Variants in PLEKHO1 observed in about 807,000 individuals in gnomAD.
PLEKHO1 encodes the protein pleckstrin homology domain-containing family O member 1.
A neutral mutation model predicts 41.4 loss-of-function variants in PLEKHO1; 22 were observed. That is an observed-to-expected ratio of 0.53 (90% confidence interval 0.38 to 0.76). PLEKHO1 has a LOEUF of 0.76. Among genes scored for constraint, PLEKHO1 ranks in the 30% least tolerant of loss-of-function variants. The pLI is 0.00. For missense variants in PLEKHO1, 488 were observed against 518.3 expected (o/e 0.94, Z 0.57); for synonymous variants, 225 against 210.8 (o/e 1.07, Z -0.58).
chr1:150,150,574 G>C (rs1208678765), intron 1 of PLEKHO1: 11 of 215,686 alleles, frequency 5.1e-5, no homozygotes, highest in Non-Finnish European at 8.4e-5. Context: ...GGAGACAATG[G>C]GAGAGAAAAC....
chr1:150,155,771 G>A (rs1012212361), intron 2 of PLEKHO1: 18 of 291,794 alleles, frequency 6.2e-5, no homozygotes, highest in Non-Finnish European at 9.5e-5. Context: ...AAGGAAAAGA[G>A]TGGGGCGGTT....
intron 2 of PLEKHO1, among the ~76,000 whole-genome samples, chr1:150,152,239 A>C (rs1469408790): frequency 2.6e-5 from 4 of 152,212 alleles, no homozygotes; most frequent in Non-Finnish European, 5.9e-5. Flanking sequence ...ACAGCCAAAG[A>C]GATCCCTCTT....
At chr1:150,151,578 C>A (rs1227283329) in intron 2 of PLEKHO1, among the ~76,000 whole-genome samples, 2 of 152,152 alleles carry the variant, frequency 1.3e-5, no homozygotes, top group Admixed American at 6.5e-5. Context: ...GTGTGAGTGG[C>A]AGTTATTTTC....
chr1:150,156,714 A>T (rs1343136277), intron 3 of PLEKHO1, among the ~76,000 whole-genome samples, 197 bp from the exon 4 acceptor site: 3 of 152,176 alleles, frequency 2.0e-5, no homozygotes, highest in Non-Finnish European at 2.9e-5. Context: ...GGTCATTTCT[A>T]AAACAACCTC....
chr1:150,155,772 T>G, intron 2 of PLEKHO1: 1 of 289,644 alleles, frequency 3.5e-6, no homozygotes, highest in Non-Finnish European at 6.4e-6. Flanking sequence ...AGGAAAAGAG[T>G]GGGGCGGTTG....
intron 2 of PLEKHO1, chr1:150,152,694 A>AAAAAAC: frequency 7.3e-6 from 1 of 137,770 alleles, no homozygotes; most frequent in Non-Finnish European, 1.5e-5. Flanking sequence ...AAATTAAAAA[A>AAAAAAC]AAAAAAAAAA....
Position 150,156,206 on chromosome 1 carries a change from G to A in PLEKHO1, c.318G>A (p.Thr106=), listed in dbSNP as rs782303389. Residue 106 remains threonine, a splice_region_variant and synonymous_variant, in exon 3 of 6, where the codon ACG becomes ACA. Coordinates refer to ENST00000369124, the MANE Select transcript of PLEKHO1 (RefSeq NM_016274.6). ...CCCACTCCAAACAGCCCGGTAACAC[G>A]GTATGTTTCTCCTGCCACCTTGGCT... ...TLAHSKQPGN[T]APNLIFLAVS... 1.9e-6 allele frequency: 3 copies of A among 1,612,850 alleles called. No homozygotes were observed. Among genetic ancestry groups the A allele is most frequent in the Admixed American group, 1.7e-5 (1 of 59,924 alleles).
At chr1:150,150,379 G>A (rs1339563221) in intron 1 of PLEKHO1, 92 bp downstream of exon 1, 55 of 550,910 alleles carry the variant, frequency 1.0e-4, no homozygotes, top group Non-Finnish European at 1.2e-4. Context: ...GGAGACCCAC[G>A]GCCCGGCCGC....
chr1:150,159,498 G>C lies in PLEKHO1; in HGVS notation c.1205G>C (p.Ser402Thr), dbSNP rs782348306. The C allele has an allele frequency of 6.2e-7, 1 of 1,610,712 alleles. No homozygotes were observed. Among genetic ancestry groups the C allele is most frequent in the Admixed American group, 1.7e-5 (1 of 59,766 alleles). Residue 402 changes from serine to threonine, a missense_variant, in exon 6 of 6, where the codon AGT becomes ACT. Physicochemically the swap from Ser to Thr is moderately conservative, Grantham distance 58. Transcript: ENST00000369124. ...DSHLRQTTPHSQYRKSLM is the reference protein window; with the variant it reads ...DSHLRQTTPHTQYRKSLM ...CACCTCAGACAGACCACCCCGCACA[G>C]TCAGTACCGGAAGAGCCTGATGTGA...
rs782181318 is a variant in PLEKHO1 at position 150,150,269 on chromosome 1, GAAC to G, written c.15_17del (p.Asn6del). 4.4e-5 allele frequency: 49 copies of G among 1,120,284 alleles called. No homozygotes were observed. Among genetic ancestry groups the G allele is most frequent in the Non-Finnish European group, 5.4e-5 (49 of 908,084 alleles). The allele number at this position is 1,120,284 out of a possible 1,614,324, so 69.4% of individuals were successfully genotyped here. On this transcript the variant is annotated inframe_deletion, in exon 1 of 6. Transcript: ENST00000369124. ...CGCGCCCGCTGGGAATGATGAAGAA[GAAC>G]AATTCCGCCAAGCGGGTGAGTGCGC...
chr1:150,156,782 G>A (rs1553820503), intron 3 of PLEKHO1, 129 bp from the exon 4 acceptor site: 2 of 666,912 alleles, frequency 3.0e-6, no homozygotes, highest in Non-Finnish European at 5.5e-6. Flanking sequence ...GGATGACTCT[G>A]GAAGCAGAAT....
rs879984195 is a variant in PLEKHO1 at position 150,159,690 on chromosome 1, A to G, written c.*167A>G. On this transcript the variant is annotated 3_prime_UTR_variant, in exon 6 of 6. Coordinates refer to ENST00000369124, the MANE Select transcript of PLEKHO1 (RefSeq NM_016274.6). ...ACCCTTATTGCCCCACCTACTTTCCATATGCCCCTCGTATGCCCCTCAGGT... is the reference window on the plus strand; with the variant it reads ...ACCCTTATTGCCCCACCTACTTTCCGTATGCCCCTCGTATGCCCCTCAGGT... 22 of 549,038 alleles carry G rather than the reference A, an allele frequency of 4.0e-5. No individual in the cohort carries two copies. The South Asian group carries it at 6.4e-4, about 16-fold the overall frequency. The allele number at this position is 549,038 out of a possible 1,614,324, so 34.0% of individuals were successfully genotyped here. A position where few individuals can be genotyped will look rare whatever the true frequency, so the allele number is the denominator to read the frequency against.
upstream of PLEKHO1, chr1:150,149,896 G>A (rs1377060674): frequency 2.0e-5 from 3 of 151,480 alleles, no homozygotes; most frequent in African/African-American, 7.3e-5. Flanking sequence ...TGGAGCTGCG[G>A]GGTGCGGACT....
At chr1:150,154,282 G>C (rs1660080036) in intron 2 of PLEKHO1, 1 of 152,314 alleles carries the variant, frequency 6.6e-6, no homozygotes, top group Non-Finnish European at 1.5e-5. Flanking sequence ...CCGTGTTTCT[G>C]GGAATTGCTC....
In PLEKHO1 at chr1:150,159,688, C is replaced by A. The variant is rs1265696821; in HGVS notation, c.*165C>A. ...CAACCCTTATTGCCCCACCTACTTTCCATATGCCCCTCGTATGCCCCTCAG... is the reference window on the plus strand; with the variant it reads ...CAACCCTTATTGCCCCACCTACTTTACATATGCCCCTCGTATGCCCCTCAG... On this transcript the variant is annotated 3_prime_UTR_variant, in exon 6 of 6. Coordinates refer to ENST00000369124, the MANE Select transcript of PLEKHO1 (RefSeq NM_016274.6). The A allele has an allele frequency of 1.8e-6, 1 of 553,388 alleles. No homozygotes were observed. The highest frequency in any genetic ancestry group is 3.2e-6 in the Non-Finnish European group (1 of 308,314). 34.3% of individuals were successfully genotyped at this position (553,388 alleles called of 1,614,324 possible).
In PLEKHO1 at chr1:150,159,771, G is replaced by C. The variant is rs1230650040; in HGVS notation, c.*248G>C. On this transcript the variant is annotated 3_prime_UTR_variant, in exon 6 of 6. Transcript: ENST00000369124. The stretch of plus-strand genomic sequence containing the variant: ...AAGTTTTTACCCAGCCAGAGAGAGA[G>C]AAGGCACGGTAAAGACACAGTCTGA... 2.3e-6 allele frequency: 1 copy of C among 429,408 alleles called. No individual in the cohort carries two copies. Among genetic ancestry groups the C allele is most frequent in the Non-Finnish European group, 4.2e-6 (1 of 237,334 alleles). The allele number at this position is 429,408 out of a possible 1,614,324, so 26.6% of individuals were successfully genotyped here.
In PLEKHO1 at chr1:150,150,928, A is replaced by T; in HGVS notation, c.47A>T (p.Asn16Ile). Residue 16 changes from asparagine (N) to isoleucine (I), a missense_variant, in exon 2 of 6, where the codon AAC becomes ATC. Asn to Ile is a moderately radical substitution (Grantham distance 149, BLOSUM62 -3). This residue lies in a region of PLEKHO1 where 92 missense variants were observed against 82.3 expected (regional missense o/e 1.12). Transcript: ENST00000369124. ...NSAKRGPQDGNQQPAPPEKVG... is the reference protein window; with the variant it reads ...NSAKRGPQDGIQQPAPPEKVG... ...CTGGGGCAGGGACCTCAGGATGGAA[A>T]CCAGCAGCCTGCACCGCCCGAGAAG... 6.2e-7 allele frequency: 1 copy of T among 1,614,038 alleles called. No individual in the cohort carries two copies. Among genetic ancestry groups the T allele is most frequent in the Non-Finnish European group, 8.5e-7 (1 of 1,179,904 alleles).
intron 2 of PLEKHO1, chr1:150,152,714 A>C (rs1441906486): frequency 6.6e-6 from 1 of 150,922 alleles, no homozygotes; most frequent in Non-Finnish European, 1.5e-5. Flanking sequence ...AAAAAAAAAC[A>C]AGTGTCAAAG....
At chr1:150,155,570 A>G (rs1660131888) in intron 2 of PLEKHO1, 1 of 153,118 alleles carries the variant, frequency 6.5e-6, no homozygotes, top group South Asian at 2.1e-4. Flanking sequence ...TATACTGCAC[A>G]CATGTGAGTG....
Sources: allele counts gnomAD v4.1 joint callset (sites outside exome capture counted in the v4.1 genomes callset), GRCh38; gene constraint gnomAD v4.1.1; regional missense constraint gnomAD v4.1.1; transcripts MANE v1.5; gene names NCBI Gene and HGNC (gene_info 2026-07-23, HGNC 2026-07-21).